The following RUNX1 variants were observed in gnomAD, a reference collection of about 807,000 sequenced individuals.
RUNX1 encodes RUNX family transcription factor 1.
RUNX1 carries 19 observed loss-of-function variants against 42.8 expected under a neutral mutation model. The ratio of observed to expected loss-of-function variants is 0.44; its 90% confidence interval spans 0.31 to 0.65. The LOEUF is 0.65. Among genes scored for constraint, RUNX1 ranks in the 30% least tolerant of loss-of-function variants. The pLI is 0.07. For missense variants in RUNX1, 528 were observed against 672.0 expected (o/e 0.79, Z 2.37); for synonymous variants, 271 against 289.4 (o/e 0.94, Z 0.64).
chr21:34,989,160 C>A (rs138464965), intron 2 of RUNX1, among the ~76,000 whole-genome samples: 1 of 152,052 alleles, frequency 6.6e-6, no homozygotes, highest in East Asian at 1.9e-4. Context: ...AGGCGCCCGC[C>A]GCCACACCCA....
At chr21:34,853,419 A>G (rs771680788) in intron 6 of RUNX1, among the ~76,000 whole-genome samples, 2 of 152,236 alleles carry the variant, frequency 1.3e-5, no homozygotes, top group Non-Finnish European at 2.9e-5. Flanking sequence ...AATAAAAAAT[A>G]CAGGAATTAC....
chr21:34,930,819 A>G (rs2058438829), intron 2 of RUNX1, among the ~76,000 whole-genome samples: 1 of 152,124 alleles, frequency 6.6e-6, no homozygotes, highest in Admixed American at 6.6e-5. Context: ...AGTGAACCAT[A>G]TATAGAAGTA....
chr21:34,913,188 G>A (rs759256945), intron 2 of RUNX1, among the ~76,000 whole-genome samples: 3 of 152,114 alleles, frequency 2.0e-5, no homozygotes, highest in African/African-American at 4.8e-5. Context: ...AGCCAAGATC[G>A]TGCTACTCCA....
chr21:34,830,544 C>T (rs908717204), intron 7 of RUNX1, among the ~76,000 whole-genome samples: 1 of 152,176 alleles, frequency 6.6e-6, no homozygotes, highest in Admixed American at 6.5e-5. Flanking sequence ...TGGGATTCTT[C>T]TCGACACTGG....
intron 5 of RUNX1, among the ~76,000 whole-genome samples, chr21:34,874,983 G>C (rs754924161): frequency 6.6e-6 from 1 of 152,190 alleles, no homozygotes; most frequent in Non-Finnish European, 1.5e-5. Flanking sequence ...GGCAAGGAAG[G>C]GGTTGAGGGT....
chr21:34,942,049 GCCACCC>G (rs1006460900), intron 2 of RUNX1, among the ~76,000 whole-genome samples: 1 of 151,980 alleles, frequency 6.6e-6, no homozygotes, highest in African/African-American at 2.4e-5. Flanking sequence ...GAATGTCTCG[GCCACCC>G]CCTGCTGCAT....
At chr21:34,999,633 G>A (rs757528824) in intron 2 of RUNX1, among the ~76,000 whole-genome samples, 10 of 152,168 alleles carry the variant, frequency 6.6e-5, no homozygotes, top group Non-Finnish European at 1.3e-4. Context: ...TCTAGTGTTC[G>A]ACATGTGGGG....
chr21:34,822,830 A>C (rs990549515), intron 7 of RUNX1, among the ~76,000 whole-genome samples: 4 of 152,212 alleles, frequency 2.6e-5, no homozygotes, highest in Non-Finnish European at 5.9e-5. Flanking sequence ...CAGTGTTATA[A>C]TCCCGCGAGA....
intron 4 of RUNX1, among the ~76,000 whole-genome samples, chr21:34,883,449 A>T (rs1368685270): frequency 6.6e-6 from 1 of 152,226 alleles, no homozygotes; most frequent in Admixed American, 6.5e-5. Flanking sequence ...TTTCTTTTTA[A>T]TTCAAAACTA....
chr21:35,030,056 T>C (rs992717086), intron 2 of RUNX1, among the ~76,000 whole-genome samples: 5 of 152,130 alleles, frequency 3.3e-5, no homozygotes, highest in African/African-American at 1.2e-4. Context: ...TAAAAACCAC[T>C]GGTGAGGCCG....
At chr21:34,996,943 T>C (rs539563525) in intron 2 of RUNX1, among the ~76,000 whole-genome samples, 115 of 152,306 alleles carry the variant, frequency 7.6e-4, no homozygotes, top group Non-Finnish European at 3.2e-4. Flanking sequence ...CTCAGAAACA[T>C]TGCCACATTT....
chr21:34,872,096 G>C (rs1391275123), intron 5 of RUNX1, among the ~76,000 whole-genome samples: 4 of 152,054 alleles, frequency 2.6e-5, no homozygotes, highest in Non-Finnish European at 5.9e-5. Context: ...CTCCTGCCTT[G>C]GCCTCCTAAA....
intron 6 of RUNX1, among the ~76,000 whole-genome samples, chr21:34,848,687 G>A (rs1274907920): frequency 6.6e-6 from 1 of 152,140 alleles, no homozygotes; most frequent in African/African-American, 2.4e-5. Context: ...GGCCCACCTC[G>A]GGCTTCCAAA....
intron 2 of RUNX1, among the ~76,000 whole-genome samples, chr21:35,032,978 C>T (rs769636354): frequency 6.6e-6 from 1 of 152,158 alleles, no homozygotes; most frequent in Non-Finnish European, 1.5e-5. Context: ...GTCTATCCAT[C>T]CATCTATCCA....
chr21:35,049,127 A>C, intron 1 of RUNX1, 41 bp downstream of exon 1: 1 of 529,710 alleles, frequency 1.9e-6, no homozygotes, highest in Non-Finnish European at 3.4e-6. Context: ...AAAAAAAAAA[A>C]AAAGCCAGCG....
At chr21:34,931,590 G>A (rs920784026) in intron 2 of RUNX1, among the ~76,000 whole-genome samples, 3 of 148,768 alleles carry the variant, frequency 2.0e-5, no homozygotes, top group African/African-American at 7.7e-5. Context: ...AATAGACTGT[G>A]GTTCTTTTAT....
chr21:34,881,914 C>T (rs1441553570), intron 4 of RUNX1, among the ~76,000 whole-genome samples: 7 of 152,138 alleles, frequency 4.6e-5, no homozygotes, highest in African/African-American at 9.7e-5. Flanking sequence ...AACTTCAAAT[C>T]GAAATGCCCC....
intron 2 of RUNX1, among the ~76,000 whole-genome samples, chr21:34,894,880 A>AACACACACACACACAC (rs57230115): frequency 3.9e-5 from 5 of 127,962 alleles, no homozygotes; most frequent in Non-Finnish European, 8.1e-5. Context: ...CCTACATAGA[A>AACACACACACACACAC]ACACACACAC....
intron 2 of RUNX1, among the ~76,000 whole-genome samples, chr21:34,981,376 A>G (rs754384713): frequency 2.0e-5 from 3 of 152,346 alleles, no homozygotes; most frequent in Middle Eastern, 6.8e-3. Context: ...TGAAAATTAG[A>G]TGTGAAAATC....
Sources: gnomAD v4.1 joint callset for allele counts (sites outside exome capture counted in the v4.1 genomes callset) on GRCh38, gnomAD v4.1.1 for gene constraint, MANE v1.5 for transcripts, NCBI Gene and HGNC (gene_info 2026-07-23, HGNC 2026-07-21) for gene names.